The following MEGF10 variants were observed in gnomAD, a reference collection of about 807,000 sequenced individuals.
MEGF10 encodes multiple EGF like domains 10.
Under a neutral mutation model 147.5 loss-of-function variants are expected in MEGF10, and 86 were observed. The observed-to-expected ratio is 0.58, with a 90% CI of 0.49 to 0.70. The LOEUF (loss-of-function observed/expected upper bound fraction) is 0.70. MEGF10 is among the 30% of genes least tolerant of loss of function. MEGF10 has a pLI of 0.00. For synonymous variants in MEGF10, 478 were observed against 525.5 expected (o/e 0.91, Z 1.24); for missense variants, 1,329 against 1,487.3 (o/e 0.89, Z 1.75).
chr5:127,323,349 G>A (rs1170431534), intron 1 of MEGF10, among the ~76,000 whole-genome samples: 3 of 152,138 alleles, frequency 2.0e-5, no homozygotes, highest in Non-Finnish European at 4.4e-5. Context: ...TGCCTAAATG[G>A]CCAGATAATC....
chr5:127,424,555 T>A, intron 13 of MEGF10: 1 of 1,397,940 alleles, frequency 7.2e-7, no homozygotes, highest in Non-Finnish European at 9.2e-7. Context: ...CCTTGGAAAA[T>A]GTTGAGAGCT....
At chr5:127,411,955 T>C (rs944415849) in intron 9 of MEGF10, among the ~76,000 whole-genome samples, 1 of 152,220 alleles carries the variant, frequency 6.6e-6, no homozygotes, top group Non-Finnish European at 1.5e-5. Flanking sequence ...AATAAATCTA[T>C]GCAAAGGAAG....
the MEGF10 span, among the ~76,000 whole-genome samples, chr5:127,275,178 A>G: frequency 6.6e-6 from 1 of 152,244 alleles, no homozygotes; most frequent in African/African-American, 2.4e-5. Flanking sequence ...AAGTTAAAGT[A>G]TATGTTTATT....
chr5:127,455,674 C>G, intron 24 of MEGF10, 67 bp downstream of exon 24: 2 of 1,285,758 alleles, frequency 1.6e-6, no homozygotes, highest in Non-Finnish European at 2.2e-6. Context: ...AAAGTCTTTA[C>G]GAATATAATA....
chr5:127,339,710 C>T (rs1018146637), intron 3 of MEGF10, among the ~76,000 whole-genome samples: 7 of 152,016 alleles, frequency 4.6e-5, no homozygotes, highest in African/African-American at 1.7e-4. Context: ...AACTCTGATG[C>T]CCTAATTTTA....
the MEGF10 span, among the ~76,000 whole-genome samples, chr5:127,245,872 C>T: frequency 6.6e-6 from 1 of 152,226 alleles, no homozygotes; most frequent in African/African-American, 2.4e-5. Flanking sequence ...CATCACTGGT[C>T]ATTAGAGAAA....
rs1766473704 is a variant in MEGF10, at chr5:127,459,148, T to C, written c.*1830T>C. 1 of 152,360 alleles carries C rather than the reference T, an allele frequency of 6.6e-6. No homozygotes were observed. Among genetic ancestry groups the C allele is most frequent in the Admixed American group, 6.5e-5 (1 of 15,300 alleles). The allele number at this position is 152,360 out of a possible 1,614,324, so 9.4% of individuals were successfully genotyped here. A position where few individuals can be genotyped will look rare whatever the true frequency, so the allele number is the denominator to read the frequency against. On this transcript the variant is annotated 3_prime_UTR_variant, in exon 25 of 25. Transcript: ENST00000503335. ...AAATACGTATGTGCAACCCTTCTGC[T>C]AGTAGTGCACATAAGTGATTATCCC...
chr5:127,342,682 G>A (rs1221104535), intron 4 of MEGF10, among the ~76,000 whole-genome samples: 14 of 152,126 alleles, frequency 9.2e-5, no homozygotes, highest in Admixed American at 2.6e-4. Flanking sequence ...GCACTATCAC[G>A]CCTGAAATTA....
At chr5:127,243,533 A>C in the MEGF10 span, among the ~76,000 whole-genome samples, 1 of 152,198 alleles carries the variant, frequency 6.6e-6, no homozygotes, top group African/African-American at 2.4e-5. Context: ...ACAAATACAA[A>C]GTTTCTTTCA....
chr5:127,433,439 G>A lies in MEGF10; in HGVS notation c.1770G>A (p.Gly590=). 6.2e-7 allele frequency: 1 copy of A among 1,613,960 alleles called. No individual in the cohort carries two copies. ...NCSLPCYCKN[G]ASCSPDDGIC... ...CCCTGCCCTGCTACTGTAAAAATGG[G>A]GCTTCATGCTCCCCTGATGATGGCA... is the stretch of plus-strand genomic sequence containing the variant. Residue 590 remains glycine, a synonymous_variant, in exon 14 of 25, where the codon GGG becomes GGA. Coordinates refer to ENST00000503335, the MANE Select transcript of MEGF10 (RefSeq NM_001256545.2).
the MEGF10 span, among the ~76,000 whole-genome samples, chr5:127,264,368 T>G: frequency 6.6e-6 from 1 of 152,296 alleles, no homozygotes; most frequent in Middle Eastern, 3.4e-3. Flanking sequence ...TGATCCCAAA[T>G]TCTATGTACT....
At chr5:127,297,436 C>T (rs1759552177) in intron 1 of MEGF10, among the ~76,000 whole-genome samples, 2 of 151,726 alleles carry the variant, frequency 1.3e-5, no homozygotes, top group Non-Finnish European at 2.9e-5. Context: ...GTACCCTCAA[C>T]AATTAAAAAA....
At chr5:127,355,035 C>A (rs1040317736) in intron 4 of MEGF10, among the ~76,000 whole-genome samples, 1 of 152,138 alleles carries the variant, frequency 6.6e-6, no homozygotes, top group African/African-American at 2.4e-5. Context: ...TCATTTTGGT[C>A]TTTTCCTGCT....
chr5:127,434,667 G>A lies in MEGF10; in HGVS notation c.1841-20G>A, dbSNP rs79904777. On this transcript the variant is annotated intron_variant, in intron 14 of 24. Transcript: ENST00000503335. ...AACGCATCTCAGAAGGATAACTGCT[G>A]ATTTCCCTTCTGTTTTCAGTCTGCT... 26,734 of 1,596,978 alleles carry A rather than the reference G, an allele frequency of 0.017. 297 individuals are homozygous for A. The highest frequency in any genetic ancestry group is 0.04 in the East Asian group (1,751 of 44,034).
the MEGF10 span, among the ~76,000 whole-genome samples, chr5:127,247,428 G>C: frequency 2.3e-4 from 22 of 94,298 alleles, no homozygotes; most frequent in African/African-American, 8.8e-4. Flanking sequence ...AGAAGAAGAA[G>C]AAGAAGAAGA....
intron 4 of MEGF10, among the ~76,000 whole-genome samples, chr5:127,362,333 T>G (rs1038077366): frequency 2.7e-5 from 4 of 148,490 alleles, no homozygotes; most frequent in Admixed American, 1.3e-4. Context: ...TTAGTATGGT[T>G]TTTTTTTTTT....
chr5:127,278,197 G>C, the MEGF10 span, among the ~76,000 whole-genome samples: 1 of 152,052 alleles, frequency 6.6e-6, no homozygotes, highest in African/African-American at 2.4e-5. Flanking sequence ...GGAGCCACCA[G>C]AGAGAAAAAG....
intron 13 of MEGF10, among the ~76,000 whole-genome samples, chr5:127,429,215 T>C (rs1057165217): frequency 2.0e-5 from 3 of 152,214 alleles, no homozygotes; most frequent in Non-Finnish European, 4.4e-5. Flanking sequence ...TGAAGGAATT[T>C]CCTTAAGATG....
the MEGF10 span, among the ~76,000 whole-genome samples, chr5:127,230,007 GAA>G: frequency 3.3e-5 from 5 of 152,166 alleles, no homozygotes; most frequent in Non-Finnish European, 5.9e-5. Context: ...TAAGAAAAAC[GAA>G]AGAGTTCATC....
Sources: allele counts gnomAD v4.1 joint callset (sites outside exome capture counted in the v4.1 genomes callset), GRCh38; gene constraint gnomAD v4.1.1; transcripts MANE v1.5; gene names NCBI Gene and HGNC (gene_info 2026-07-23, HGNC 2026-07-21).